Variants in CREB3L2 observed in about 807,000 individuals in gnomAD.
CREB3L2 encodes cyclic AMP-responsive element-binding protein 3-like protein 2.
CREB3L2 carries 23 observed loss-of-function variants against 57.2 expected under a neutral mutation model. That is an observed-to-expected ratio of 0.40 (90% CI 0.29 to 0.57). The LOEUF (loss-of-function observed/expected upper bound fraction) is 0.57, where lower values mean the gene tolerates loss of function less well. CREB3L2 is among the 20% of genes least tolerant of loss of function. CREB3L2 has a pLI of 0.42. For synonymous variants in CREB3L2, 268 were observed against 265.1 expected, an observed-to-expected ratio of 1.01 and a Z score of -0.11; for missense variants, 628 against 634.7, an observed-to-expected ratio of 0.99 and a Z score of 0.11.
At chr7:137,976,784 A>T (rs1242766953) in intron 1 of CREB3L2, among the ~76,000 whole-genome samples, 1 of 152,242 alleles carries the variant, frequency 6.6e-6, no homozygotes, top group African/African-American at 2.4e-5. Context: ...AATCTCCCCA[A>T]GTAATTCAAA....
Position 137,879,037 on chromosome 7 carries a change from A to G in CREB3L2, c.*1439T>C. ...TACAAACTCTATGCACATTTCCTACACAAAATCTTTCCCAAGCTCGGAAAA... is the reference window on the plus strand; with the variant it reads ...TACAAACTCTATGCACATTTCCTACGCAAAATCTTTCCCAAGCTCGGAAAA... On this transcript the variant is annotated 3_prime_UTR_variant, in exon 12 of 12. Coordinates refer to ENST00000330387, the MANE Select transcript of CREB3L2 (RefSeq NM_194071.4). The G allele has an allele frequency of 2.3e-6, 1 of 436,826 alleles. No individual in the cohort carries two copies. The highest frequency in any genetic ancestry group is 4.3e-6 in the Non-Finnish European group (1 of 232,918). 27.1% of individuals were successfully genotyped at this position (436,826 alleles called of 1,614,324 possible). A position where few individuals can be genotyped will look rare whatever the true frequency, so the allele number is the denominator to read the frequency against.
intron 1 of CREB3L2, among the ~76,000 whole-genome samples, chr7:137,979,455 G>A (rs376574854): frequency 1.8e-4 from 27 of 152,206 alleles, no homozygotes; most frequent in African/African-American, 5.1e-4. Context: ...GGCCGGGCGC[G>A]GTGGCTCACA....
chr7:137,924,718 C>T (rs75986345), intron 2 of CREB3L2, among the ~76,000 whole-genome samples: 2 of 152,002 alleles, frequency 1.3e-5, no homozygotes, highest in Non-Finnish European at 2.9e-5. Context: ...ATCTGGTTCA[C>T]AGCCTTAATC....
chr7:137,955,297 C>A, intron 1 of CREB3L2: 1 of 1,289,130 alleles, frequency 7.8e-7, no homozygotes. Context: ...GAGCAAGCAG[C>A]AAAGCCCTGG....
In CREB3L2 at chr7:137,897,094, CAAAAAG is replaced by C. The variant is rs1036820292; in HGVS notation, c.1043+4254_1043+4259del. 6.1e-4 allele frequency among the ~76,000 whole-genome samples: 91 copies of C among 150,242 alleles called. 1 individual carries two copies. The highest frequency in any genetic ancestry group is 2.1e-3 in the African/African-American group (87 of 40,802). On this transcript the variant is annotated intron_variant, in intron 8 of 11. Coordinates refer to ENST00000330387, the MANE Select transcript of CREB3L2 (RefSeq NM_194071.4). Reference sequence around the variant, plus strand: ...CTAGAAGTGTGCTAAGCATTGGCACCAAAAAGAAAAAGAAAAAAAAGGTAATTATGT... The same window carrying C: ...CTAGAAGTGTGCTAAGCATTGGCACCAAAAAGAAAAAAAAGGTAATTATGT...
intron 11 of CREB3L2, 122 bp downstream of exon 11, chr7:137,882,290 C>T: frequency 1.4e-6 from 1 of 696,586 alleles, no homozygotes; most frequent in Non-Finnish European, 2.5e-6. Flanking sequence ...GGAAATAGGT[C>T]CTGAGAGAGC....
At chr7:137,932,100 G>A (rs372665228) in intron 1 of CREB3L2, among the ~76,000 whole-genome samples, 12 of 151,946 alleles carry the variant, frequency 7.9e-5, no homozygotes, top group Non-Finnish European at 1.5e-4. Flanking sequence ...TCTTTAAAAC[G>A]TTAAGTAAAT....
chr7:137,905,840 C>A lies in CREB3L2; in HGVS notation c.777G>T (p.Gln259His). The change falls in exon 6 of 12, where the codon CAG becomes CAT. Residue 259 changes from glutamine to histidine, a missense_variant. Transcript: ENST00000330387. Reference protein sequence around the residue: ...SPLLTAPHKLQGSGPLVLTEE... With the variant: ...SPLLTAPHKLHGSGPLVLTEE... ...CTGTCAGGACCAGAGGGCCTGATCCCTGCAGTTTCTGTGCAGACCAAGGAG... is the reference window on the plus strand; with the variant it reads ...CTGTCAGGACCAGAGGGCCTGATCCATGCAGTTTCTGTGCAGACCAAGGAG... 1 of 1,610,308 alleles carries A rather than the reference C, an allele frequency of 6.2e-7. No individual in the cohort carries two copies. Among genetic ancestry groups the A allele is most frequent in the East Asian group, 2.2e-5 (1 of 44,834 alleles).
chr7:137,908,157 C>G, intron 5 of CREB3L2, 95 bp downstream of exon 5: 1 of 925,768 alleles, frequency 1.1e-6, no homozygotes, highest in Non-Finnish European at 1.4e-6. Flanking sequence ...AAAGTAAAAA[C>G]CAAACAGCCT....
At chr7:137,897,670 A>T (rs1276593918) in intron 8 of CREB3L2, among the ~76,000 whole-genome samples, 1 of 152,164 alleles carries the variant, frequency 6.6e-6, no homozygotes, top group Non-Finnish European at 1.5e-5. Flanking sequence ...ATCAAGGTAG[A>T]TTATTTTTAA....
At position 137,885,192 on chromosome 7, in the gene CREB3L2, A is replaced by G. The variant is rs190063089; in HGVS notation, c.1144-71T>C. 6 of 1,547,930 alleles carry G rather than the reference A, an allele frequency of 3.9e-6. No individual in the cohort carries two copies. The East Asian group carries it at 1.4e-4, about 35-fold the overall frequency. On this transcript the variant is annotated intron_variant, in intron 9 of 11. Transcript: ENST00000330387. ...TTCAGCCTCTGGACAGCACAGCTTT[A>G]TACCCAGGGACACAGACTCTCCTCT...
intron 1 of CREB3L2, among the ~76,000 whole-genome samples, chr7:137,988,140 C>A (rs771999675): frequency 1.1e-4 from 16 of 152,200 alleles, no homozygotes; most frequent in Admixed American, 7.9e-4. Flanking sequence ...GACCTCAGGC[C>A]CAGCTGAAGG....
At chr7:137,977,186 T>G (rs771211790) in intron 1 of CREB3L2, among the ~76,000 whole-genome samples, 1 of 152,178 alleles carries the variant, frequency 6.6e-6, no homozygotes, top group Non-Finnish European at 1.5e-5. Context: ...GAAGTCTGCA[T>G]GGAAATGGGG....
At chr7:137,994,771 C>T (rs926534317) in intron 1 of CREB3L2, among the ~76,000 whole-genome samples, 2 of 152,122 alleles carry the variant, frequency 1.3e-5, no homozygotes, top group African/African-American at 2.4e-5. Context: ...ATAAGGAGAC[C>T]CTGTCTCTAT....
At position 138,001,848 on chromosome 7, in the gene CREB3L2, A is replaced by G; in HGVS notation, c.-143T>C. 1 of 545,600 alleles carries G rather than the reference A, an allele frequency of 1.8e-6. No homozygotes were observed. Among genetic ancestry groups the G allele is most frequent in the Non-Finnish European group, 3.2e-6 (1 of 316,994 alleles). The allele number at this position is 545,600 out of a possible 1,614,324, so 33.8% of individuals were successfully genotyped here. On this transcript the variant is annotated 5_prime_UTR_variant, in exon 1 of 12. Transcript: ENST00000330387. This position sits in a 1 kb window ranked among gnomAD's most constrained non-coding sequence, Gnocchi z 4.2. ...TCTGTAGTTTTGCACTTGGAAAGCAAACGTCTGCTCCTCTGCCGGAGAGAG... is the reference window on the plus strand; with the variant it reads ...TCTGTAGTTTTGCACTTGGAAAGCAGACGTCTGCTCCTCTGCCGGAGAGAG...
chr7:137,918,057 C>T (rs1800182812), intron 2 of CREB3L2, among the ~76,000 whole-genome samples: 1 of 152,128 alleles, frequency 6.6e-6, no homozygotes. Context: ...CGTTGACTCT[C>T]CCCAAAGGAG....
intron 1 of CREB3L2, among the ~76,000 whole-genome samples, chr7:137,994,433 G>T (rs4728429): frequency 0.72 from 109,739 of 152,122 alleles, 42,177 homozygotes; most frequent in Non-Finnish European, 0.87. Flanking sequence ...ATGATTACAG[G>T]CTCAGCTAGC....
intron 1 of CREB3L2, among the ~76,000 whole-genome samples, chr7:137,943,856 C>A (rs1800918885): frequency 6.6e-6 from 1 of 152,072 alleles, no homozygotes; most frequent in Non-Finnish European, 1.5e-5. Flanking sequence ...AAAATGCCGC[C>A]ATGTATTTCC....
chr7:137,989,236 A>G (rs997423424), intron 1 of CREB3L2, among the ~76,000 whole-genome samples: 2 of 152,108 alleles, frequency 1.3e-5, no homozygotes, highest in Non-Finnish European at 2.9e-5. Flanking sequence ...GCCACATCCC[A>G]TGCACACAGG....
Sources: allele counts gnomAD v4.1 joint callset (sites outside exome capture counted in the v4.1 genomes callset), GRCh38; gene constraint gnomAD v4.1.1; non-coding constraint Gnocchi (gnomAD v3.1); transcripts MANE v1.5; gene names NCBI Gene and HGNC (gene_info 2026-07-23, HGNC 2026-07-21).